SIN3B: variants seen among roughly 807,000 people sequenced by gnomAD.
The protein encoded by SIN3B is SIN3 transcription regulator family member B.
SIN3B carries 19 observed loss-of-function variants against 120.2 expected under a neutral mutation model. The ratio of observed to expected loss-of-function variants is 0.16; its 90% CI spans 0.11 to 0.23. SIN3B has a LOEUF of 0.23. Ranked by LOEUF, SIN3B falls within the 10% of genes least tolerant of loss-of-function variation. The probability of loss-of-function intolerance (pLI) is 1.00; values close to 1 mark genes in which losing one functional copy is unlikely to be tolerated. For synonymous variants in SIN3B, 654 were observed against 653.2 expected, an observed-to-expected ratio of 1.00 and a Z score of -0.02; for missense variants, 1,073 against 1,573.0, an observed-to-expected ratio of 0.68 and a Z score of 5.38.
intron 12 of SIN3B, among the ~76,000 whole-genome samples, chr19:16,867,793 C>T (rs1971798244): frequency 6.6e-6 from 1 of 152,198 alleles, no homozygotes; most frequent in South Asian, 2.1e-4. Flanking sequence ...CTCCCACCTC[C>T]CTTCCCGTGG....
At chr19:16,849,761 G>A (rs1599597208) in intron 5 of SIN3B, among the ~76,000 whole-genome samples, 1 of 152,142 alleles carries the variant, frequency 6.6e-6, no homozygotes, top group African/African-American at 2.4e-5. Context: ...TCGCCCAGCT[G>A]CATCTTTTGG....
chr19:16,858,308 C>T (rs1279972131), intron 8 of SIN3B, among the ~76,000 whole-genome samples: 1 of 152,100 alleles, frequency 6.6e-6, no homozygotes, highest in Non-Finnish European at 1.5e-5. Context: ...TGATATTAGC[C>T]TCCCAGGTTT....
chr19:16,837,887 T>C (rs930658533), intron 3 of SIN3B, among the ~76,000 whole-genome samples: 2 of 152,072 alleles, frequency 1.3e-5, no homozygotes, highest in African/African-American at 4.8e-5. Flanking sequence ...GGGGCTGCTA[T>C]GTGTCTGTGC....
chr19:16,847,184 C>T (rs1375246554), intron 5 of SIN3B, 71 bp downstream of exon 5: 9 of 1,532,974 alleles, frequency 5.9e-6, no homozygotes, highest in South Asian at 2.4e-5. Context: ...CAGCTTGACC[C>T]ATGTCCGGGC....
At chr19:16,870,145 A>T in intron 13 of SIN3B, 70 bp downstream of exon 13, 1 of 1,366,200 alleles carries the variant, frequency 7.3e-7, no homozygotes, top group Non-Finnish European at 9.7e-7. Context: ...TCATGATCTG[A>T]CATGTCCTGT....
At chr19:16,837,001 C>T (rs1255487910) in intron 3 of SIN3B, among the ~76,000 whole-genome samples, 2 of 151,960 alleles carry the variant, frequency 1.3e-5, no homozygotes, top group African/African-American at 2.4e-5. Flanking sequence ...GGTGGGGGGT[C>T]CGATGAGAAA....
At chr19:16,853,739 G>A (rs1289894532) in intron 7 of SIN3B, among the ~76,000 whole-genome samples, 1 of 147,630 alleles carries the variant, frequency 6.8e-6, no homozygotes, top group Non-Finnish European at 1.5e-5. Flanking sequence ...TCACATGCAC[G>A]AACTGAATTG....
intron 8 of SIN3B, among the ~76,000 whole-genome samples, chr19:16,858,219 C>T (rs868654711): frequency 6.6e-6 from 1 of 152,158 alleles, no homozygotes; most frequent in East Asian, 1.9e-4. Flanking sequence ...TCTCCTTTCA[C>T]CTCTGATTCC....
At position 16,869,633 on chromosome 19, in the gene SIN3B, C is replaced by T. The variant is rs760518105; in HGVS notation, c.1980C>T (p.His660=). Residue 660 remains histidine (H), a synonymous_variant, in exon 13 of 19, where the codon CAC becomes CAT. Transcript: ENST00000248054. ...EDQGTIHQLL[H]QFVPSLFFSQ... ...AGGGCACCATCCACCAGCTGCTGCA[C>T]CAGTTCGTGCCCAGCCTCTTCTTCT... 3.1e-6 allele frequency: 5 copies of T among 1,613,510 alleles called. No homozygotes were observed. The African/African-American group carries it at 4.0e-5, about 13-fold the overall frequency.
At chr19:16,853,301 A>T (rs1286936854) in intron 7 of SIN3B, 143 bp downstream of exon 7, 1 of 703,330 alleles carries the variant, frequency 1.4e-6, no homozygotes, top group Non-Finnish European at 2.4e-6. Flanking sequence ...GCTGGCCCCC[A>T]GCTTTCACTG....
In SIN3B at chr19:16,862,610, C is replaced by A; in HGVS notation, c.1266+51C>A. 1.3e-6 allele frequency: 2 copies of A among 1,500,110 alleles called. No individual in the cohort carries two copies. Among genetic ancestry groups the A allele is most frequent in the Non-Finnish European group, 1.8e-6 (2 of 1,089,950 alleles). The allele number at this position is 1,500,110 out of a possible 1,614,324, so 92.9% of individuals were successfully genotyped here. A position where few individuals can be genotyped will look rare whatever the true frequency, so the allele number is the denominator to read the frequency against. On this transcript the variant is annotated intron_variant, in intron 9 of 18. Coordinates refer to ENST00000248054, the MANE Select transcript of SIN3B (RefSeq NM_001297595.2). The surrounding 1 kb of genome is among the most constrained non-coding windows in gnomAD (Gnocchi z 4.7). ...TCGTTGACATGGTGCATCCCCCACC[C>A]CTCCCCAGCAAACACCCGATACCCC...
chr19:16,842,960 CAG>C (rs888218672), intron 4 of SIN3B, among the ~76,000 whole-genome samples: 1 of 152,214 alleles, frequency 6.6e-6, no homozygotes, highest in African/African-American at 2.4e-5. Flanking sequence ...ACAGCGGCAT[CAG>C]GGCGTCTGCA....
Position 16,870,034 on chromosome 19 carries a change from A to G in SIN3B, c.2381A>G (p.Lys794Arg), listed in dbSNP as rs1305321836. The G allele has an allele frequency of 6.2e-7, 1 of 1,610,042 alleles. No individual in the cohort carries two copies. The highest frequency in any genetic ancestry group is 1.1e-5 in the South Asian group (1 of 90,922). Residue 794 changes from lysine to arginine, a missense_variant, in exon 13 of 19, where the codon AAG becomes AGG. This residue lies in a region of SIN3B where 52 missense variants were observed against 68.8 expected (regional missense o/e 0.76). Coordinates refer to ENST00000248054, the MANE Select transcript of SIN3B (RefSeq NM_001297595.2). ...EKLLCEGRREKGSDPAMELRL... is the reference protein window; with the variant it reads ...EKLLCEGRRERGSDPAMELRL... The stretch of plus-strand genomic sequence containing the variant: ...CTGCTGTGTGAGGGCCGCAGGGAGA[A>G]GGGCAGCGACCCCGCCATGGAGCTG...
chr19:16,848,426 GTT>G (rs11293258), intron 5 of SIN3B, among the ~76,000 whole-genome samples: 3,536 of 116,872 alleles, frequency 0.03, 127 homozygotes, highest in African/African-American at 0.1. Flanking sequence ...TCTTTTCCAG[GTT>G]TTTTTTTTTT....
intron 10 of SIN3B, among the ~76,000 whole-genome samples, chr19:16,864,931 T>C (rs988608528): frequency 6.6e-6 from 1 of 151,152 alleles, no homozygotes; most frequent in African/African-American, 2.4e-5. Flanking sequence ...ACCTCCTGGG[T>C]TCAAGCGATT....
chr19:16,870,978 A>C (rs1294892027), intron 13 of SIN3B, among the ~76,000 whole-genome samples: 1 of 151,368 alleles, frequency 6.6e-6, no homozygotes, highest in Non-Finnish European at 1.5e-5. Flanking sequence ...GGCATGGGCC[A>C]CCATGCCTGG....
intron 4 of SIN3B, among the ~76,000 whole-genome samples, chr19:16,845,957 G>T (rs1304357652): frequency 6.6e-6 from 1 of 151,986 alleles, no homozygotes; most frequent in Admixed American, 6.6e-5. Context: ...ATTTTTTGTA[G>T]CGATAGGGTC....
At chr19:16,865,839 G>C (rs1304310388) in intron 11 of SIN3B, among the ~76,000 whole-genome samples, 191 bp downstream of exon 11, 1 of 152,192 alleles carries the variant, frequency 6.6e-6, no homozygotes, top group Non-Finnish European at 1.5e-5. Context: ...CCACTCCTGA[G>C]AGGAGAGCAC....
At chr19:16,845,284 GT>G (rs1270146205) in intron 4 of SIN3B, among the ~76,000 whole-genome samples, 2 of 152,100 alleles carry the variant, frequency 1.3e-5, no homozygotes, top group Non-Finnish European at 2.9e-5. Flanking sequence ...TTGTTTGTTT[GT>G]TTGTTTTTTG....
Sources: gnomAD v4.1 joint callset for allele counts (sites outside exome capture counted in the v4.1 genomes callset) on GRCh38, gnomAD v4.1.1 for gene constraint, gnomAD v4.1.1 regional missense constraint, Gnocchi (gnomAD v3.1) non-coding constraint, MANE v1.5 for transcripts, NCBI Gene and HGNC (gene_info 2026-07-23, HGNC 2026-07-21) for gene names.